Variants in CRB2 observed in about 807,000 individuals in gnomAD.
The protein encoded by CRB2 is crumbs cell polarity complex component 2.
CRB2 carries 85 observed loss-of-function variants against 110.9 expected under a neutral mutation model. That is an observed-to-expected ratio of 0.77 (90% CI 0.64 to 0.92). The LOEUF is 0.92. Among genes scored for constraint, CRB2 ranks in the 40% least tolerant of loss-of-function variants. CRB2 has a pLI of 0.00. For synonymous variants in CRB2, 907 were observed against 831.0 expected, an observed-to-expected ratio of 1.09 and a Z score of -1.57; for missense variants, 1,843 against 1,851.3, an observed-to-expected ratio of 1.00 and a Z score of 0.08.
At chr9:123,355,076 C>T (rs146555063), upstream of CRB2, among the ~76,000 whole-genome samples, 247 of 152,330 alleles carry the variant, frequency 1.6e-3, no homozygotes, top group African/African-American at 5.5e-3. Context: ...TGGCAGGGGC[C>T]GGTGGCTCAT....
At position 123,367,705 on chromosome 9, in the gene CRB2, GCC is replaced by G; in HGVS notation, c.1054+21_1054+22del. ...TACGCAGGTGTCTGGGGTGGGGTGG[GCC>G]CTGGGACCATCAGAATTGGTGGTCC... On this transcript the variant is annotated intron_variant, in intron 6 of 12. Coordinates refer to ENST00000373631, the MANE Select transcript of CRB2 (RefSeq NM_173689.7). 6.7e-7 allele frequency: 1 copy of G among 1,492,960 alleles called. No individual in the cohort carries two copies. The highest frequency in any genetic ancestry group is 9.1e-7 in the Non-Finnish European group (1 of 1,098,686). The allele number at this position is 1,492,960 out of a possible 1,614,324, so 92.5% of individuals were successfully genotyped here. A position where few individuals can be genotyped will look rare whatever the true frequency, so the allele number is the denominator to read the frequency against.
chr9:123,373,557 A>T lies in CRB2; in HGVS notation c.3026A>T (p.Asn1009Ile). The T allele has an allele frequency of 6.8e-7, 1 of 1,478,472 alleles. No individual in the cohort carries two copies. The allele number at this position is 1,478,472 out of a possible 1,614,324, so 91.6% of individuals were successfully genotyped here. A position where few individuals can be genotyped will look rare whatever the true frequency, so the allele number is the denominator to read the frequency against. The change falls in exon 10 of 13, where the codon AAC (asparagine) becomes ATC (isoleucine). Residue 1009 changes from asparagine to isoleucine, a missense_variant. Physicochemically the swap from Asn to Ile is moderately radical, Grantham distance 149. Transcript: ENST00000373631. The part of the protein sequence containing the change: ...PGAVRILLAE[N>I]FTGCLGRVAL... Reference sequence around the variant, plus strand: ...GCTGTGCGCATCCTGCTGGCTGAGAACTTCACCGGCTGCTTGGGCCGCGTG... The same window carrying T: ...GCTGTGCGCATCCTGCTGGCTGAGATCTTCACCGGCTGCTTGGGCCGCGTG...
chr9:123,365,630 A>C (rs377464135), intron 2 of CRB2, among the ~76,000 whole-genome samples: 15 of 152,208 alleles, frequency 9.9e-5, no homozygotes, highest in African/African-American at 3.6e-4. Flanking sequence ...TCCTTGTTGA[A>C]CTTGGCAACA....
intron 6 of CRB2, among the ~76,000 whole-genome samples, chr9:123,368,351 C>T (rs1194611798): frequency 6.6e-6 from 1 of 151,742 alleles, no homozygotes; most frequent in African/African-American, 2.4e-5. Context: ...TGTCCCCCAG[C>T]CCTGGATGGC....
rs757229433 is a variant in CRB2, at chr9:123,367,616, A to G, written c.984A>G (p.Pro328=). Residue 328 remains proline (P), a synonymous_variant, in exon 6 of 13, where the codon CCA becomes CCG. Coordinates refer to ENST00000373631, the MANE Select transcript of CRB2 (RefSeq NM_173689.7). ...GVEVDECASR[P]CLNGGHCQDL... ...AGGTGGACGAGTGTGCCTCACGGCC[A>G]TGCCTCAACGGAGGCCACTGCCAGG... 6.4e-7 allele frequency: 1 copy of G among 1,569,276 alleles called. No homozygotes were observed. The highest frequency in any genetic ancestry group is 8.6e-7 in the Non-Finnish European group (1 of 1,157,912).
Position 123,371,320 on chromosome 9 carries a change from T to C in CRB2, c.2178T>C (p.Arg726=). 6.2e-7 allele frequency: 1 copy of C among 1,610,420 alleles called. No individual in the cohort carries two copies. The highest frequency in any genetic ancestry group is 8.5e-7 in the Non-Finnish European group (1 of 1,177,828). ...VLPGRWDDGL[R]HLVMLSFGPD... ...CTGGGCGCTGGGATGATGGGCTCCG[T>C]CACCTGGTGATGCTCAGCTTCGGGC... Residue 726 remains arginine, a synonymous_variant, in exon 8 of 13, where the codon CGT becomes CGC. Transcript: ENST00000373631.
At chr9:123,378,831 T>TTTTTTTA, downstream of CRB2, 1 of 132,008 alleles carries the variant, frequency 7.6e-6, no homozygotes, top group Non-Finnish European at 1.6e-5. Flanking sequence ...TTTTTTTTTT[T>TTTTTTTA]TGAGATGGAG....
At chr9:123,364,514 T>C (rs1395713066) in intron 2 of CRB2, among the ~76,000 whole-genome samples, 2 of 152,124 alleles carry the variant, frequency 1.3e-5, no homozygotes, top group Non-Finnish European at 2.9e-5. Flanking sequence ...GAGTTTGGGA[T>C]TTCCAGACAA....
Position 123,366,036 on chromosome 9 carries a change from CGTTGCCAGCTGGACCTCGACGAGT to C in CRB2, c.540_563del (p.Cys181_Cys188del). On this transcript the variant is annotated inframe_deletion, in exon 3 of 13. Transcript: ENST00000373631. ...GTGCGCGCCAGGCTACGGGGGCACC[CGTTGCCAGCTGGACCTCGACGAGT>C]GCCAGAGCCAGCCGTGCGCACATGG... 1 of 1,586,778 alleles carries C rather than the reference CGTTGCCAGCTGGACCTCGACGAGT, an allele frequency of 6.3e-7. No individual in the cohort carries two copies. The highest frequency in any genetic ancestry group is 1.1e-5 in the South Asian group (1 of 89,396).
upstream of CRB2, among the ~76,000 whole-genome samples, chr9:123,355,027 G>A (rs1289401573): frequency 6.6e-6 from 1 of 152,238 alleles, no homozygotes; most frequent in Non-Finnish European, 1.5e-5. Flanking sequence ...TGCGTGGGCT[G>A]TATCCACGGT....
At position 123,367,322 on chromosome 9, in the gene CRB2, C is replaced by T. The variant is rs371211000; in HGVS notation, c.905C>T (p.Ala302Val). Residue 302 changes from alanine (A) to valine (V), a missense_variant, in exon 5 of 13, where the codon GCG becomes GTG. By Grantham distance (64) the Ala-to-Val change is moderately conservative (BLOSUM62 0). Transcript: ENST00000373631. ...GGCGCCTTCAGCTTCCGCCATGCTG[C>T]GGGTTTCCTGTGCCACTGCCCTCCT... ...FPGAFSFRHA[A>V]GFLCHCPPGF... 370 of 1,604,494 alleles carry T rather than the reference C, an allele frequency of 2.3e-4. 5 individuals are homozygous for T. In the South Asian group the frequency reaches 2.8e-3, roughly 12 times the overall value.
rs748885642 is a variant in CRB2 at position 123,373,827 on chromosome 9, A to T, written c.3296A>T (p.His1099Leu). Residue 1099 changes from histidine to leucine, a missense_variant, in exon 10 of 13, where the codon CAC becomes CTC. By Grantham distance (99) the His-to-Leu change is moderately conservative (BLOSUM62 -3). Transcript: ENST00000373631. ...TGCGAAGCCCACGTCGACCCCTGTC[A>T]CTCCGCCCCCTGCGCCCGTGGCCGC... ...PRCEAHVDPC[H>L]SAPCARGRCH... The T allele has an allele frequency of 3.3e-4, 519 of 1,575,156 alleles. 1 individual carries two copies. The highest frequency in any genetic ancestry group is 6.4e-4 in the Admixed American group (37 of 57,498).
intron 12 of CRB2, among the ~76,000 whole-genome samples, chr9:123,376,079 C>T (rs902609006): frequency 6.9e-6 from 1 of 145,946 alleles, no homozygotes; most frequent in African/African-American, 2.6e-5. Context: ...TACCCAGCCA[C>T]CTCCCCAGGG....
intron 11 of CRB2, 152 bp from the exon 12 acceptor site, chr9:123,375,065 C>T: frequency 8.3e-7 from 1 of 1,200,478 alleles, no homozygotes; most frequent in Non-Finnish European, 1.2e-6. Context: ...AGGTGGTCAC[C>T]TGGCAGGGCC....
At chr9:123,370,064 C>A (rs1378908960) in intron 6 of CRB2, 44 bp from the exon 7 acceptor site, 5 of 1,544,660 alleles carry the variant, frequency 3.2e-6, no homozygotes, top group South Asian at 1.3e-5. Flanking sequence ...TACTGTGATT[C>A]TGGCCCCAGA....
chr9:123,362,821 G>T, intron 1 of CRB2, 44 bp from the exon 2 acceptor site: 1 of 1,525,320 alleles, frequency 6.6e-7, no homozygotes, highest in Non-Finnish European at 8.9e-7. Context: ...GATTGTCCTT[G>T]TAACCTCTGC....
At position 123,373,680 on chromosome 9, in the gene CRB2, C is replaced by T. The variant is rs747787854; in HGVS notation, c.3149C>T (p.Pro1050Leu). 24 of 1,461,706 alleles carry T rather than the reference C, an allele frequency of 1.6e-5. No homozygotes were observed. Among genetic ancestry groups the T allele is most frequent in the East Asian group, 2.9e-5 (1 of 34,058 alleles). The allele number at this position is 1,461,706 out of a possible 1,614,324, so 90.5% of individuals were successfully genotyped here. A position where few individuals can be genotyped will look rare whatever the true frequency, so the allele number is the denominator to read the frequency against. The change falls in exon 10 of 13, where the codon CCG (proline) becomes CTG (leucine). Residue 1050 changes from proline (P) to leucine (L), a missense_variant. Physicochemically the swap from Pro to Leu is moderately conservative, Grantham distance 98. Coordinates refer to ENST00000373631, the MANE Select transcript of CRB2 (RefSeq NM_173689.7). ...GCGTCTTGGCCTGGGACGCCGGCCC[C>T]GATCCTCGGCTGCCGCGGCGCGCCC... ...HFASWPGTPA[P>L]ILGCRGAPVC...
Position 123,362,375 on chromosome 9 carries a change from C to T in CRB2, c.95-490C>T, listed in dbSNP as rs533894356. Among the ~76,000 whole-genome samples, 57 of 152,224 alleles carry T rather than the reference C, an allele frequency of 3.7e-4. No individual in the cohort carries two copies. The Middle Eastern group carries it at 0.014, about 36-fold the overall frequency. On this transcript the variant is annotated intron_variant, in intron 1 of 12. Coordinates refer to ENST00000373631, the MANE Select transcript of CRB2 (RefSeq NM_173689.7). ...ATGGATGGGGCCTGCAGGAGGGAGA[C>T]CCCTCCCCAGGTGGAGCTGAAATAA... is the stretch of plus-strand genomic sequence containing the variant.
rs145132132 is a variant in CRB2 at position 123,375,265 on chromosome 9, G to C, written c.3555G>C (p.Gly1185=). The C allele has an allele frequency of 9.3e-6, 15 of 1,612,404 alleles. No individual in the cohort carries two copies. Among genetic ancestry groups the C allele is most frequent in the Middle Eastern group, 3.3e-4 (2 of 6,048 alleles). The change falls in exon 12 of 13, where the codon GGG becomes GGC. Residue 1185 remains glycine, a synonymous_variant. Transcript: ENST00000373631. ...GTGAAGCCAACCCCTGCTTGAATGG[G>C]GGCACCTGCCGGGCAGCTGGAGGGG... ...LPCEANPCLN[G]GTCRAAGGVS...
Sources: allele counts gnomAD v4.1 joint callset (sites outside exome capture counted in the v4.1 genomes callset), GRCh38; gene constraint gnomAD v4.1.1; transcripts MANE v1.5; gene names NCBI Gene and HGNC (gene_info 2026-07-23, HGNC 2026-07-21).